CFH: variants seen among roughly 807,000 people sequenced by gnomAD.
CFH encodes the protein complement factor H.
Under a neutral mutation model 147.3 loss-of-function variants are expected in CFH, and 53 were observed. That is an observed-to-expected ratio of 0.36 (90% CI 0.29 to 0.45). The LOEUF is 0.45. Among genes scored for constraint, CFH ranks in the 20% least tolerant of loss-of-function variants. The pLI is 1.00. For synonymous variants in CFH, 536 were observed against 489.4 expected, an observed-to-expected ratio of 1.10 and a Z score of -1.26; for missense variants, 1,380 against 1,498.0, an observed-to-expected ratio of 0.92 and a Z score of 1.30.
intron 5 of CFH, chr1:196,679,279 C>T (rs1667569976): frequency 5.4e-6 from 1 of 184,128 alleles, no homozygotes; most frequent in South Asian, 1.0e-4. Context: ...TTATCAATAA[C>T]TAGAAGATGT....
chr1:196,719,234 G>A (rs1668942003), intron 11 of CFH, among the ~76,000 whole-genome samples: 2 of 151,894 alleles, frequency 1.3e-5, no homozygotes, highest in African/African-American at 2.4e-5. Context: ...TATAAATACA[G>A]CATTTGAATA....
chr1:196,683,227 C>T (rs1313609335), intron 6 of CFH, among the ~76,000 whole-genome samples: 1 of 151,480 alleles, frequency 6.6e-6, no homozygotes, highest in East Asian at 1.9e-4. Context: ...TAATGGAGAA[C>T]ACCAAAAAGT....
intron 1 of CFH, among the ~76,000 whole-genome samples, chr1:196,659,724 C>T (rs1666840114): frequency 6.6e-6 from 1 of 152,174 alleles, no homozygotes; most frequent in African/African-American, 2.4e-5. Context: ...TCATAGCACA[C>T]TGGTCTGTGT....
At chr1:196,744,670 A>G (rs1652939203) in intron 20 of CFH, among the ~76,000 whole-genome samples, 2 of 152,204 alleles carry the variant, frequency 1.3e-5, no homozygotes, top group South Asian at 2.1e-4. Flanking sequence ...TTCTCTGCAT[A>G]CATTGAGCTC....
At chr1:196,691,419 C>T (rs543973493) in intron 9 of CFH, among the ~76,000 whole-genome samples, 141 of 152,052 alleles carry the variant, frequency 9.3e-4, no homozygotes, top group African/African-American at 3.2e-3. Context: ...TCTTTTTTTA[C>T]ATGTTAATGA....
At chr1:196,666,555 G>A (rs1667094076) in intron 1 of CFH, among the ~76,000 whole-genome samples, 2 of 152,046 alleles carry the variant, frequency 1.3e-5, no homozygotes, top group East Asian at 3.9e-4. Flanking sequence ...GGGAGGCCGA[G>A]GTGGGCGGAT....
intron 9 of CFH, among the ~76,000 whole-genome samples, chr1:196,692,901 C>T (rs10922095): frequency 0.58 from 40,954 of 70,618 alleles, 13,868 homozygotes; most frequent in East Asian, 0.91. Context: ...CTCCCTCCCT[C>T]CCTTCCTTCC....
At chr1:196,741,039 C>A in intron 18 of CFH, 1 of 490,704 alleles carries the variant, frequency 2.0e-6, no homozygotes, top group Non-Finnish European at 3.7e-6. Context: ...GACTTCTCAT[C>A]TCTGTTCTTA....
intron 1 of CFH, among the ~76,000 whole-genome samples, chr1:196,664,600 T>C (rs1667015690): frequency 6.6e-6 from 1 of 152,208 alleles, no homozygotes; most frequent in Admixed American, 6.5e-5. Context: ...AGCGATTGGA[T>C]TTGGCCCACA....
intron 11 of CFH, among the ~76,000 whole-genome samples, chr1:196,718,979 T>C (rs899544211): frequency 1.3e-5 from 2 of 152,110 alleles, no homozygotes; most frequent in Non-Finnish European, 2.9e-5. Context: ...GACAGACATC[T>C]GAGTATATTT....
chr1:196,659,573 A>T (rs1281545892), intron 1 of CFH, among the ~76,000 whole-genome samples: 3 of 152,162 alleles, frequency 2.0e-5, no homozygotes, highest in Non-Finnish European at 2.9e-5. Flanking sequence ...ACTCATATTT[A>T]TATGCACTTT....
At chr1:196,732,681 C>A (rs1220956889) in intron 15 of CFH, among the ~76,000 whole-genome samples, 1 of 152,032 alleles carries the variant, frequency 6.6e-6, no homozygotes, top group East Asian at 1.9e-4. Context: ...GTGCGGACTG[C>A]TGTCTCTTAT....
Position 196,686,188 on chromosome 1 carries a change from A to G in CFH, c.964+951A>G, listed in dbSNP as rs35108279. ...ACCTCCCTCAACATTGGGAATTACAATTCAACATGAGATGTGTGTGGGGAC... is the reference window on the plus strand; with the variant it reads ...ACCTCCCTCAACATTGGGAATTACAGTTCAACATGAGATGTGTGTGGGGAC... On this transcript the variant is annotated intron_variant, in intron 7 of 21. Coordinates refer to ENST00000367429, the MANE Select transcript of CFH (RefSeq NM_000186.4). Among the ~76,000 whole-genome samples the G allele has an allele frequency of 3.4e-3, 513 of 152,268 alleles. 4 individuals are homozygous for G. The highest frequency in any genetic ancestry group is 0.011 in the African/African-American group (468 of 41,578).
rs928684652 is a variant in CFH, at chr1:196,655,797, T to C, written c.58+3622T>C. On this transcript the variant is annotated intron_variant, in intron 1 of 21. Coordinates refer to ENST00000367429, the MANE Select transcript of CFH (RefSeq NM_000186.4). ...ACCATAGTACATGGAAAGGGGATGA[T>C]GTAATTGACAAAAAAGTATTGCATT... Among the ~76,000 whole-genome samples the C allele has an allele frequency of 9.2e-5, 14 of 152,214 alleles. No homozygotes were observed. In the East Asian group the frequency reaches 1.2e-3, roughly 13 times the overall value.
rs1419451167 is a variant in CFH at position 196,673,074 on chromosome 1, G to A, written c.155G>A (p.Cys52Tyr). Reference sequence around the variant, plus strand: ...GAAGGCACCCAGGCTATCTATAAATGCCGCCCTGGATATAGATCTCTTGGA... The same window carrying A: ...GAAGGCACCCAGGCTATCTATAAATACCGCCCTGGATATAGATCTCTTGGA... ...YPEGTQAIYK[C>Y]RPGYRSLGNV... is the part of the protein sequence containing the mutation. The change falls in exon 2 of 22, where the codon TGC (cysteine) becomes TAC (tyrosine). Residue 52 changes from cysteine (C) to tyrosine (Y), a missense_variant. Cys to Tyr is a radical substitution (Grantham distance 194, BLOSUM62 -2). This residue lies in a region of CFH where 260 missense variants were observed against 263.3 expected (regional missense o/e 0.99). Coordinates refer to ENST00000367429, the MANE Select transcript of CFH (RefSeq NM_000186.4). The A allele has an allele frequency of 1.2e-6, 2 of 1,613,954 alleles. No individual in the cohort carries two copies. Among genetic ancestry groups the A allele is most frequent in the African/African-American group, 1.3e-5 (1 of 75,018 alleles).
intron 1 of CFH, 92 bp downstream of exon 1, chr1:196,652,267 A>G: frequency 1.0e-6 from 1 of 992,128 alleles, no homozygotes. Context: ...TTGATTTAGA[A>G]AATGTGCTTA....
At chr1:196,743,975 G>C (rs535044682) in intron 20 of CFH, among the ~76,000 whole-genome samples, 27 of 152,228 alleles carry the variant, frequency 1.8e-4, no homozygotes, top group African/African-American at 6.0e-4. Context: ...CAGTTGAAGA[G>C]AGATCATAGA....
At chr1:196,746,550 T>C (rs899383638) in intron 21 of CFH, among the ~76,000 whole-genome samples, 4 of 152,258 alleles carry the variant, frequency 2.6e-5, no homozygotes, top group Non-Finnish European at 4.4e-5. Context: ...TTTGACAATA[T>C]GTTGTTTTGA....
chr1:196,741,545 T>G, intron 18 of CFH: 1 of 316,850 alleles, frequency 3.2e-6, no homozygotes, highest in Non-Finnish European at 6.0e-6. Flanking sequence ...TTATTCAAGA[T>G]GAGATTTGGG....
Sources: allele counts gnomAD v4.1 joint callset (sites outside exome capture counted in the v4.1 genomes callset), GRCh38; gene constraint gnomAD v4.1.1; regional missense constraint gnomAD v4.1.1; transcripts MANE v1.5; gene names NCBI Gene and HGNC (gene_info 2026-07-23, HGNC 2026-07-21).